The following CLYBL variants were observed in gnomAD, a reference collection of about 807,000 sequenced individuals.
CLYBL encodes citramalyl-CoA lyase, mitochondrial.
Under a neutral mutation model 38.9 loss-of-function variants are expected in CLYBL, and 31 were observed. The ratio of observed to expected loss-of-function variants is 0.80; its 90% CI spans 0.60 to 1.08. The LOEUF (loss-of-function observed/expected upper bound fraction) is 1.08. Ranked by LOEUF, CLYBL falls within the 50% of genes least tolerant of loss-of-function variation. The pLI, the probability that CLYBL is intolerant of heterozygous loss-of-function variation, is 0.00. For synonymous variants in CLYBL, 171 were observed against 158.6 expected (o/e 1.08, Z -0.59); for missense variants, 434 against 411.6 (o/e 1.05, Z -0.47).
chr13:99,786,611 G>A (rs1244475403), intron 2 of CLYBL, among the ~76,000 whole-genome samples: 1 of 152,144 alleles, frequency 6.6e-6, no homozygotes, highest in Non-Finnish European at 1.5e-5. Flanking sequence ...TGTCATTGAT[G>A]GACATTTGGG....
intron 1 of CLYBL, among the ~76,000 whole-genome samples, chr13:99,671,933 C>T (rs2047571657): frequency 6.6e-6 from 1 of 152,214 alleles, no homozygotes; most frequent in Non-Finnish European, 1.5e-5. Flanking sequence ...AGCACACAGT[C>T]CCCTTCTCAC....
At position 99,800,909 on chromosome 13, in the gene CLYBL, A is replaced by C. The variant is rs1287628982; in HGVS notation, c.249+27899A>C. Among the ~76,000 whole-genome samples, 70 of 50,854 alleles carry C rather than the reference A, an allele frequency of 1.4e-3. No individual in the cohort carries two copies. In the South Asian group the frequency reaches 0.022, roughly 16 times the overall value. The allele number at this position is 50,854 out of a possible 152,430, so 33.4% of individuals were successfully genotyped here. A position where few individuals can be genotyped will look rare whatever the true frequency, so the allele number is the denominator to read the frequency against. On this transcript the variant is annotated intron_variant, in intron 2 of 8. Transcript: ENST00000339105. ...ACAACAACAACAAAAAAAAAAAACA[A>C]AAAAAAAAAAACGTAATTGGGTTTC...
chr13:99,752,311 C>T (rs1266434673), intron 1 of CLYBL, among the ~76,000 whole-genome samples: 4 of 152,106 alleles, frequency 2.6e-5, no homozygotes, highest in African/African-American at 7.2e-5. Flanking sequence ...GCTTGGAGTC[C>T]ATTCTTTCAT....
intron 2 of CLYBL, among the ~76,000 whole-genome samples, chr13:99,840,376 CT>C (rs2051041990): frequency 6.6e-6 from 1 of 151,974 alleles, no homozygotes; most frequent in Non-Finnish European, 1.5e-5. Flanking sequence ...CTTTGGGAGG[CT>C]GAGGTGGGAG....
chr13:99,835,177 T>C (rs1168078931), intron 2 of CLYBL, among the ~76,000 whole-genome samples: 1 of 152,240 alleles, frequency 6.6e-6, no homozygotes, highest in Non-Finnish European at 1.5e-5. Flanking sequence ...GGCTGATTCA[T>C]CTCTGCTTTT....
At chr13:99,714,442 C>A (rs903999360) in intron 1 of CLYBL, among the ~76,000 whole-genome samples, 34 of 149,862 alleles carry the variant, frequency 2.3e-4, no homozygotes, top group Admixed American at 5.4e-4. Flanking sequence ...CATGGTGAAA[C>A]CCCATCTCTA....
rs1253322006 is a variant in CLYBL, at chr13:99,608,601, A to G, written c.62+1844A>G. Among the ~76,000 whole-genome samples the G allele has an allele frequency of 2.6e-5, 4 of 152,224 alleles. No homozygotes were observed. The East Asian group carries it at 7.7e-4, about 29-fold the overall frequency. On this transcript the variant is annotated intron_variant, in intron 1 of 8. Coordinates refer to ENST00000339105, the MANE Select transcript of CLYBL (RefSeq NM_206808.5). ...GGGGGCCAGCGTCTGTGACCTGTTC[A>G]GTAGCGGGTCCAGTGAGCGCACACA...
At chr13:99,673,337 C>T (rs150280819) in intron 1 of CLYBL, among the ~76,000 whole-genome samples, 5,902 of 151,084 alleles carry the variant, frequency 0.039, 152 homozygotes, top group Non-Finnish European at 0.049. Context: ...CACTTGAACC[C>T]GGGAGGCAGA....
At chr13:99,748,338 C>G (rs1027193255) in intron 1 of CLYBL, among the ~76,000 whole-genome samples, 1 of 150,854 alleles carries the variant, frequency 6.6e-6, no homozygotes, top group African/African-American at 2.4e-5. Context: ...CAAGATTGTG[C>G]CACTGCACTG....
intron 1 of CLYBL, among the ~76,000 whole-genome samples, chr13:99,702,979 A>G (rs1424813508): frequency 6.6e-6 from 1 of 152,258 alleles, no homozygotes; most frequent in Non-Finnish European, 1.5e-5. Context: ...TTTCGGAACC[A>G]CGTGAATACA....
downstream of CLYBL, among the ~76,000 whole-genome samples, chr13:99,900,770 ATG>A (rs1253102254): frequency 6.6e-6 from 1 of 152,088 alleles, no homozygotes; most frequent in Non-Finnish European, 1.5e-5. Flanking sequence ...CAAGCTCCAA[ATG>A]TGTGTTTTGA....
At chr13:99,858,779 C>A in intron 2 of CLYBL, 82 bp from the exon 3 acceptor site, 1 of 920,408 alleles carries the variant, frequency 1.1e-6, no homozygotes, top group Non-Finnish European at 1.6e-6. Flanking sequence ...ACTCTGAATC[C>A]ACATAACAGT....
chr13:99,811,083 C>G (rs1269210538), intron 2 of CLYBL, among the ~76,000 whole-genome samples: 2 of 152,168 alleles, frequency 1.3e-5, no homozygotes, highest in Non-Finnish European at 2.9e-5. Context: ...CCCATACCTC[C>G]AGGCCCATTA....
At chr13:99,806,090 T>G (rs2806302) in intron 2 of CLYBL, among the ~76,000 whole-genome samples, 68,721 of 151,978 alleles carry the variant, frequency 0.45, 17,079 homozygotes, top group East Asian at 0.77. Context: ...AAGAGTTTCA[T>G]GTACATAACT....
intron 8 of CLYBL, among the ~76,000 whole-genome samples, chr13:99,904,651 G>A (rs979116905): frequency 5.5e-5 from 8 of 145,644 alleles, no homozygotes; most frequent in South Asian, 4.2e-4. Context: ...TGGCAGCGTC[G>A]TGCTTCAAAC....
intron 1 of CLYBL, among the ~76,000 whole-genome samples, chr13:99,676,972 T>TA (rs35020187): frequency 0.5 from 72,322 of 145,910 alleles, 18,582 homozygotes; most frequent in African/African-American, 0.67. Context: ...GACTAGAGGT[T>TA]AAAAAAAAAA....
At chr13:99,683,420 TAGTAAC>T (rs1245749387) in intron 1 of CLYBL, among the ~76,000 whole-genome samples, 4 of 152,232 alleles carry the variant, frequency 2.6e-5, no homozygotes, top group Non-Finnish European at 4.4e-5. Flanking sequence ...GACTCTTTTA[TAGTAAC>T]AGTAAGTTTA....
At chr13:99,837,365 G>A (rs893566043) in intron 2 of CLYBL, among the ~76,000 whole-genome samples, 6 of 152,178 alleles carry the variant, frequency 3.9e-5, no homozygotes, top group Admixed American at 2.6e-4. Context: ...TGGGTGGATC[G>A]TTTGGGCCTG....
At chr13:99,768,029 T>G (rs375936790) in intron 1 of CLYBL, among the ~76,000 whole-genome samples, 16 of 152,170 alleles carry the variant, frequency 1.1e-4, no homozygotes, top group African/African-American at 3.9e-4. Flanking sequence ...TGTTGAAAAG[T>G]GAATGTTTGA....
Sources: gnomAD v4.1 joint callset for allele counts (sites outside exome capture counted in the v4.1 genomes callset) on GRCh38, gnomAD v4.1.1 for gene constraint, MANE v1.5 for transcripts, NCBI Gene and HGNC (gene_info 2026-07-23, HGNC 2026-07-21) for gene names.